SP110: variants seen among roughly 807,000 people sequenced by gnomAD.
SP110 encodes the protein interferon-induced protein 41, 30kD.
In SP110, 62 loss-of-function variants were observed where a neutral mutation model predicts 92.7. The observed-to-expected ratio is 0.67, with a 90% confidence interval of 0.55 to 0.83. The LOEUF is 0.83. SP110 is among the 40% of genes least tolerant of loss of function. The probability of loss-of-function intolerance (pLI) is 0.00; values close to 1 mark genes in which losing one functional copy is unlikely to be tolerated. For synonymous variants in SP110, 273 were observed against 305.3 expected, an observed-to-expected ratio of 0.89 and a Z score of 1.10; for missense variants, 793 against 863.9, an observed-to-expected ratio of 0.92 and a Z score of 1.03.
chr2:230,185,926 C>T, intron 11 of SP110, 68 bp downstream of exon 11: 1 of 1,349,728 alleles, frequency 7.4e-7, no homozygotes, highest in South Asian at 1.2e-5. Context: ...TCTATCTGAC[C>T]CTGTACTGCT....
chr2:230,205,340 C>T (rs1317374810), intron 8 of SP110, among the ~76,000 whole-genome samples: 1 of 152,178 alleles, frequency 6.6e-6, no homozygotes, highest in Non-Finnish European at 1.5e-5. Context: ...ACCAACAACA[C>T]TGGTCTTTCC....
intron 1 of SP110, among the ~76,000 whole-genome samples, chr2:230,217,777 G>T (rs2045383916): frequency 6.6e-6 from 1 of 152,218 alleles, no homozygotes; most frequent in South Asian, 2.1e-4. Flanking sequence ...TAAACAAGAT[G>T]ACCTGGGCTA....
At chr2:230,212,569 G>C in intron 4 of SP110, 139 bp from the exon 5 acceptor site, 1 of 1,038,104 alleles carries the variant, frequency 9.6e-7, no homozygotes, top group East Asian at 2.4e-5. Context: ...TGGGAAGCAG[G>C]TGTTCTGGAC....
intron 16 of SP110, 28 bp downstream of exon 16, chr2:230,172,038 A>T (rs34897866): frequency 9.0e-6 from 12 of 1,333,972 alleles, no homozygotes; most frequent in Non-Finnish European, 9.7e-6. Context: ...AGGGAAAAGT[A>T]TAGGTTTGGG....
At chr2:230,202,454 T>G in intron 9 of SP110, 125 bp downstream of exon 9, 94 of 826,050 alleles carry the variant, frequency 1.1e-4, no homozygotes, top group East Asian at 1.9e-4. Context: ...TTATACCCCA[T>G]CCTCATTCTC....
chr2:230,176,849 G>A (rs1239959574), intron 14 of SP110: 29 of 1,010,740 alleles, frequency 2.9e-5, no homozygotes, highest in Non-Finnish European at 3.9e-5. Context: ...AACCCAAGAA[G>A]TCAAAAAGAA....
At chr2:230,223,099 C>T (rs2045957737), upstream of SP110, among the ~76,000 whole-genome samples, 1 of 150,928 alleles carries the variant, frequency 6.6e-6, no homozygotes, top group South Asian at 2.1e-4. Flanking sequence ...TGCTGTGGCG[C>T]AATCTTGGCT....
chr2:230,214,022 C>CA (rs1233358371), intron 3 of SP110: 2 of 152,326 alleles, frequency 1.3e-5, no homozygotes, highest in East Asian at 3.9e-4. Context: ...ATGGTGATTC[C>CA]ACTAATGAAA....
At position 230,182,207 on chromosome 2, in the gene SP110, C is replaced by T. The variant is rs375411585; in HGVS notation, c.1348+1365G>A. ...TATCCTCAGCAAACTAATGCAGGAA[C>T]GGAAAACTAAACACCACATGGGTTC... On this transcript the variant is annotated intron_variant, in intron 12 of 18. Transcript: ENST00000258381. Among the ~76,000 whole-genome samples the T allele has an allele frequency of 7.9e-5, 10 of 126,954 alleles. No individual in the cohort carries two copies. The East Asian group carries it at 9.5e-4, about 12-fold the overall frequency. 83.3% of individuals were successfully genotyped at this position (126,954 alleles called of 152,430 possible). A position where few individuals can be genotyped will look rare whatever the true frequency, so the allele number is the denominator to read the frequency against.
upstream of SP110, among the ~76,000 whole-genome samples, chr2:230,220,710 T>C (rs2045739690): frequency 6.6e-6 from 1 of 151,990 alleles, no homozygotes; most frequent in Non-Finnish European, 1.5e-5. Flanking sequence ...CTATGAAAAA[T>C]CCTAAACTAT....
In SP110 at chr2:230,176,488, A is replaced by T; in HGVS notation, c.1590+1050T>A. ...ATGGACATGATGAGCTTTTTCATTT[A>T]ATTTTTATTTTAGAGTCATTTGCTT... On this transcript the variant is annotated intron_variant, in intron 14 of 18. Coordinates refer to ENST00000258381, the MANE Select transcript of SP110 (RefSeq NM_080424.4). 3.4e-6 allele frequency: 5 copies of T among 1,485,186 alleles called. No individual in the cohort carries two copies. In the Admixed American group the frequency reaches 7.4e-5, roughly 22 times the overall value. The allele number at this position is 1,485,186 out of a possible 1,614,324, so 92.0% of individuals were successfully genotyped here.
intron 1 of SP110, among the ~76,000 whole-genome samples, chr2:230,219,362 A>G (rs2045586112): frequency 6.6e-6 from 1 of 152,234 alleles, no homozygotes; most frequent in African/African-American, 2.4e-5. Flanking sequence ...AACAGGTCCA[A>G]ATGTTCTGAA....
In SP110 at chr2:230,200,984, T is replaced by G. The variant is rs1395057900; in HGVS notation, c.1049-19A>C. On this transcript the variant is annotated intron_variant, in intron 9 of 18. Transcript: ENST00000258381. ...ATGATCTCTGGAAAATGAAAGATCT[T>G]AGTAAATGCCCCTTGGGAAACACCA... 1 of 1,580,034 alleles carries G rather than the reference T, an allele frequency of 6.3e-7. No homozygotes were observed. The highest frequency in any genetic ancestry group is 1.3e-5 in the African/African-American group (1 of 74,296).
At chr2:230,182,001 G>C (rs548216588) in intron 12 of SP110, among the ~76,000 whole-genome samples, 1 of 152,344 alleles carries the variant, frequency 6.6e-6, no homozygotes, top group Non-Finnish European at 1.5e-5. Flanking sequence ...AAATATACCT[G>C]CATGTGTATG....
At chr2:230,223,352 G>A (rs1339907671), upstream of SP110, among the ~76,000 whole-genome samples, 1 of 152,102 alleles carries the variant, frequency 6.6e-6, no homozygotes, top group African/African-American at 2.4e-5. Context: ...ACATTCTATG[G>A]GATGTCCAGG....
intron 1 of SP110, 145 bp downstream of exon 1, chr2:230,219,728 TC>T (rs1319786318): frequency 6.1e-6 from 1 of 164,416 alleles, no homozygotes; most frequent in Non-Finnish European, 1.3e-5. Context: ...TTTAACAGTC[TC>T]CTAATAAGTA....
chr2:230,169,914 C>T (rs1167822089), intron 18 of SP110, among the ~76,000 whole-genome samples: 3 of 152,112 alleles, frequency 2.0e-5, no homozygotes, highest in Admixed American at 6.5e-5. Flanking sequence ...ACCCTTTCTC[C>T]CTGCAGCTCC....
At chr2:230,205,108 A>G (rs755615681) in intron 8 of SP110, among the ~76,000 whole-genome samples, 3 of 152,266 alleles carry the variant, frequency 2.0e-5, no homozygotes, top group Middle Eastern at 3.2e-3. Context: ...TAAACTAATT[A>G]GATTTTAATG....
At chr2:230,207,910 A>T in intron 8 of SP110, 81 bp downstream of exon 8, 1 of 733,308 alleles carries the variant, frequency 1.4e-6, no homozygotes, top group Non-Finnish European at 2.4e-6. Context: ...TTAGAATAAA[A>T]TTCAACCCTC....
Sources: gnomAD v4.1 joint callset for allele counts (sites outside exome capture counted in the v4.1 genomes callset) on GRCh38, gnomAD v4.1.1 for gene constraint, MANE v1.5 for transcripts, NCBI Gene and HGNC (gene_info 2026-07-23, HGNC 2026-07-21) for gene names.